Variants in CDH13 observed in about 807,000 individuals in gnomAD.
CDH13 encodes the protein cadherin-13.
CDH13 carries 24 observed loss-of-function variants against 63.8 expected under a neutral mutation model. That is an observed-to-expected ratio of 0.38 (90% confidence interval 0.27 to 0.53). The LOEUF (loss-of-function observed/expected upper bound fraction) is 0.53. Among genes scored for constraint, CDH13 ranks in the 20% least tolerant of loss-of-function variants. The pLI, the probability that CDH13 is intolerant of heterozygous loss-of-function variation, is 0.85. For missense variants in CDH13, 1,049 were observed against 903.1 expected, an observed-to-expected ratio of 1.16 and a Z score of -2.07; for synonymous variants, 503 against 355.3, an observed-to-expected ratio of 1.42 and a Z score of -4.67.
intron 9 of CDH13, among the ~76,000 whole-genome samples, chr16:83,672,925 C>A (rs563201685): frequency 9.8e-5 from 15 of 152,310 alleles, no homozygotes; most frequent in Non-Finnish European, 1.9e-4. Context: ...CATTCTATGA[C>A]TTTTACAGCT....
intron 1 of CDH13, among the ~76,000 whole-genome samples, chr16:82,779,278 C>T (rs912044745): frequency 6.6e-6 from 1 of 152,140 alleles, no homozygotes; most frequent in African/African-American, 2.4e-5. Flanking sequence ...TCCAAGATCA[C>T]ACAGATAGTA....
At chr16:83,330,684 G>C (rs2090461925) in intron 5 of CDH13, among the ~76,000 whole-genome samples, 1 of 152,212 alleles carries the variant, frequency 6.6e-6, no homozygotes, top group Non-Finnish European at 1.5e-5. Flanking sequence ...CCTGGAGCTG[G>C]TACTGACCAC....
chr16:83,182,795 A>G (rs1420174614), intron 4 of CDH13, among the ~76,000 whole-genome samples: 1 of 152,224 alleles, frequency 6.6e-6, no homozygotes, highest in Non-Finnish European at 1.5e-5. Flanking sequence ...ACAAAATTAT[A>G]AAGTAAAATG....
At chr16:83,149,932 A>G (rs1448963907) in intron 4 of CDH13, among the ~76,000 whole-genome samples, 1 of 152,192 alleles carries the variant, frequency 6.6e-6, no homozygotes, top group Non-Finnish European at 1.5e-5. Context: ...AACAGTTAGC[A>G]GCATGCCACT....
chr16:83,125,221 T>G (rs1342753358), intron 3 of CDH13, among the ~76,000 whole-genome samples, 164 bp from the exon 4 acceptor site: 1 of 152,224 alleles, frequency 6.6e-6, no homozygotes, highest in African/African-American at 2.4e-5. Flanking sequence ...AGCTTTAGTA[T>G]TATTCTAGTA....
At chr16:82,802,458 T>G (rs1018278894) in intron 1 of CDH13, among the ~76,000 whole-genome samples, 15 of 152,136 alleles carry the variant, frequency 9.9e-5, no homozygotes, top group African/African-American at 3.6e-4. Context: ...AGTGATCTGT[T>G]GAGAGATTCA....
intron 6 of CDH13, among the ~76,000 whole-genome samples, chr16:83,480,601 A>C (rs938209551): frequency 6.6e-6 from 1 of 152,142 alleles, no homozygotes; most frequent in African/African-American, 2.4e-5. Flanking sequence ...ATTTGCAACA[A>C]TTCTCACATT....
rs1480729083 is a variant in CDH13 at position 82,860,391 on chromosome 16, G to GA, written c.157+1918_157+1919insA. 1.0e-4 allele frequency among the ~76,000 whole-genome samples: 9 copies of GA among 85,956 alleles called. No homozygotes were observed. In the East Asian group the frequency reaches 2.2e-3, roughly 21 times the overall value. The allele number at this position is 85,956 out of a possible 152,430, so 56.4% of individuals were successfully genotyped here. ...ATCACAGTTGTGTGTGTGTGTGTGG[G>GA]GGGGGGGGCGGCGGTGTGCGTGTGT... On this transcript the variant is annotated intron_variant, in intron 2 of 13. Transcript: ENST00000567109.
At chr16:83,457,765 G>A (rs1365231813) in intron 6 of CDH13, among the ~76,000 whole-genome samples, 1 of 152,144 alleles carries the variant, frequency 6.6e-6, no homozygotes, top group East Asian at 1.9e-4. Flanking sequence ...AATAGTCACT[G>A]ACCCACTCCG....
In CDH13 at chr16:83,071,941, C is replaced by G. The variant is rs569059309; in HGVS notation, c.366+39723C>G. 1.2e-3 allele frequency among the ~76,000 whole-genome samples: 186 copies of G among 152,216 alleles called. 1 individual carries two copies. The highest frequency in any genetic ancestry group is 9.5e-3 in the South Asian group (46 of 4,822). On this transcript the variant is annotated intron_variant, in intron 3 of 13. Transcript: ENST00000567109. ...TATGTGGTCATCTAATCATCCATCT[C>G]TCTAAACTAACGTCAAAGAGACATA...
At chr16:83,246,020 A>T (rs955133861) in intron 5 of CDH13, among the ~76,000 whole-genome samples, 2 of 152,236 alleles carry the variant, frequency 1.3e-5, no homozygotes, top group Non-Finnish European at 2.9e-5. Flanking sequence ...TGCAGGTGTG[A>T]ACCACTGCGC....
At chr16:83,186,978 AT>A (rs34326819) in intron 4 of CDH13, among the ~76,000 whole-genome samples, 17 of 150,666 alleles carry the variant, frequency 1.1e-4, no homozygotes, top group African/African-American at 3.2e-4. Flanking sequence ...TATTACTGTA[AT>A]TTTTTTTTTG....
chr16:83,764,371 G>A (rs969106447), intron 11 of CDH13, among the ~76,000 whole-genome samples: 2 of 152,156 alleles, frequency 1.3e-5, no homozygotes, highest in Non-Finnish European at 2.9e-5. Context: ...CTGACAGCAG[G>A]ACATTTCTAC....
chr16:82,874,423 T>G (rs2040438753), intron 2 of CDH13, among the ~76,000 whole-genome samples: 2 of 151,956 alleles, frequency 1.3e-5, no homozygotes. Flanking sequence ...TGTGAACACC[T>G]TGGTAAATGA....
intron 7 of CDH13, among the ~76,000 whole-genome samples, chr16:83,499,239 A>G (rs2074216238): frequency 1.3e-5 from 2 of 152,260 alleles, no homozygotes; most frequent in Non-Finnish European, 2.9e-5. Flanking sequence ...GATGTTCACC[A>G]TGTATCAGCA....
chr16:82,845,832 A>G (rs1028328821), intron 1 of CDH13, among the ~76,000 whole-genome samples: 9 of 152,220 alleles, frequency 5.9e-5, no homozygotes, highest in Non-Finnish European at 2.9e-5. Flanking sequence ...GGTTTCTCCT[A>G]AGGGCCAGCC....
intron 6 of CDH13, chr16:83,397,224 A>C (rs531677897): frequency 2.0e-5 from 3 of 152,068 alleles, no homozygotes; most frequent in African/African-American, 4.8e-5. Context: ...TACATTTCTC[A>C]CTTTGATTAT....
intron 2 of CDH13, among the ~76,000 whole-genome samples, chr16:82,963,033 C>T (rs577605980): frequency 1.1e-4 from 17 of 152,032 alleles, no homozygotes; most frequent in African/African-American, 3.6e-4. Flanking sequence ...TCTAGTAACA[C>T]CTAAAACTTC....
At chr16:83,186,777 C>G (rs895325710) in intron 4 of CDH13, among the ~76,000 whole-genome samples, 1 of 152,054 alleles carries the variant, frequency 6.6e-6, no homozygotes, top group Non-Finnish European at 1.5e-5. Flanking sequence ...TGAGACAAGT[C>G]AAGCTCTTGT....
Sources: gnomAD v4.1 joint callset for allele counts (sites outside exome capture counted in the v4.1 genomes callset) on GRCh38, gnomAD v4.1.1 for gene constraint, MANE v1.5 for transcripts, NCBI Gene and HGNC (gene_info 2026-07-23, HGNC 2026-07-21) for gene names.